ENOX2: variants seen among roughly 807,000 people sequenced by gnomAD.
The protein encoded by ENOX2 is APK1 antigen.
ENOX2 carries 36 observed loss-of-function variants against 45.0 expected under a neutral mutation model. That is an observed-to-expected ratio of 0.80 (90% confidence interval 0.61 to 1.06). The LOEUF is 1.06. ENOX2 is among the 50% of genes least tolerant of loss of function. The pLI is 0.00. For missense variants in ENOX2, 423 were observed against 462.5 expected, an observed-to-expected ratio of 0.91 and a Z score of 0.78; for synonymous variants, 174 against 152.3, an observed-to-expected ratio of 1.14 and a Z score of -1.05.
chrX:130,843,969 C>G (rs910138774), intron 2 of ENOX2, among the ~76,000 whole-genome samples: 1 of 112,030 alleles, frequency 8.9e-6, no homozygotes, highest in Admixed American at 9.5e-5. Flanking sequence ...GTGTCTGGTA[C>G]ATCATAGTTG....
chrX:130,795,977 A>ATGTGTG, intron 2 of ENOX2, among the ~76,000 whole-genome samples: 1 of 108,792 alleles, frequency 9.2e-6, no homozygotes, highest in African/African-American at 3.3e-5. Flanking sequence ...TCATTCTAAT[A>ATGTGTG]TGTGTGTGTG....
intron 8 of ENOX2, among the ~76,000 whole-genome samples, chrX:130,667,224 A>T (rs1428749527): frequency 8.9e-6 from 1 of 112,387 alleles, no homozygotes; most frequent in East Asian, 2.8e-4. Context: ...TCGTAACTTT[A>T]GCAATAAAAT....
At chrX:130,859,919 T>C (rs1263438899) in intron 2 of ENOX2, among the ~76,000 whole-genome samples, 1 of 111,424 alleles carries the variant, frequency 9.0e-6, no homozygotes, top group Non-Finnish European at 1.9e-5. Context: ...CTGGCCATTC[T>C]TTCTCAGTTT....
intron 4 of ENOX2, among the ~76,000 whole-genome samples, chrX:130,692,580 GTTTTTTT>G (rs1194146290): frequency 2.1e-5 from 2 of 94,921 alleles, no homozygotes; most frequent in Non-Finnish European, 4.3e-5. Context: ...ATCTCTCTCT[GTTTTTTT>G]TTTTTTTTTT....
chrX:130,753,239 T>G (rs1282531905), intron 3 of ENOX2, among the ~76,000 whole-genome samples: 1 of 110,132 alleles, frequency 9.1e-6, no homozygotes, highest in African/African-American at 3.3e-5. Flanking sequence ...ACCTCCCCAT[T>G]CTATCTCTTC....
chrX:130,678,443 T>C (rs1345251966), intron 6 of ENOX2, among the ~76,000 whole-genome samples: 1 of 110,177 alleles, frequency 9.1e-6, no homozygotes, highest in African/African-American at 3.3e-5. Context: ...GCCTTTCAGA[T>C]TTCATTTCCC....
At position 130,628,047 on chromosome X, in the gene ENOX2, CAG is replaced by C; in HGVS notation, c.1529-6_1529-5del. 8.6e-7 allele frequency: 1 copy of C among 1,168,200 alleles called. No individual in the cohort carries two copies. Among genetic ancestry groups the C allele is most frequent in the East Asian group, 3.0e-5 (1 of 33,696 alleles). On this transcript the variant is annotated splice_polypyrimidine_tract_variant and splice_region_variant and intron_variant, in intron 13 of 14. Coordinates refer to ENST00000394363, the MANE Select transcript of ENOX2 (RefSeq NM_006375.4). ...TGAAGGAATGTGGAGATAATCCCTA[CAG>C]AGACAAGAGCATGGAGGTTATACTT...
At chrX:130,732,652 T>C (rs1314226117) in intron 3 of ENOX2, among the ~76,000 whole-genome samples, 1 of 110,832 alleles carries the variant, frequency 9.0e-6, no homozygotes, top group African/African-American at 3.3e-5. Flanking sequence ...TAAAGATAGA[T>C]ATGTAGACCA....
In ENOX2 at chrX:130,703,149, A is replaced by T. The variant is rs774819043; in HGVS notation, c.68T>A (p.Leu23Gln). Residue 23 changes from leucine to glutamine, a missense_variant, in exon 4 of 15, where the codon CTG (leucine) becomes CAG (glutamine). This residue lies in a region of ENOX2 where 261 missense variants were observed against 306.8 expected (regional missense o/e 0.85). Transcript: ENST00000394363. ...TAMNNLGMAP[L>Q]GIAGQPILPD... Reference sequence around the variant, plus strand: ...TAAAATTGGTTGTCCGGCAATTCCCAGCGGTGCCATTCCAAGATTATTCAT... The same window carrying T: ...TAAAATTGGTTGTCCGGCAATTCCCTGCGGTGCCATTCCAAGATTATTCAT... The T allele has an allele frequency of 1.7e-6, 2 of 1,209,247 alleles. No homozygotes were observed. The highest frequency in any genetic ancestry group is 5.9e-5 in the East Asian group (2 of 33,743).
At chrX:130,659,339 G>A (rs1343151541) in intron 9 of ENOX2, among the ~76,000 whole-genome samples, 1 of 111,763 alleles carries the variant, frequency 8.9e-6, no homozygotes, top group Non-Finnish European at 1.9e-5. Flanking sequence ...GAGCTATTTA[G>A]TATCATCACT....
At chrX:130,811,508 C>T (rs1569504675) in intron 2 of ENOX2, among the ~76,000 whole-genome samples, 1 of 112,608 alleles carries the variant, frequency 8.9e-6, no homozygotes, top group African/African-American at 3.2e-5. Context: ...CAAGAGCAAG[C>T]CTGCCTGTGG....
intron 10 of ENOX2, chrX:130,645,703 C>T (rs1347803936): frequency 1.7e-5 from 11 of 646,977 alleles, no homozygotes; most frequent in Admixed American, 3.3e-5. Context: ...CCAGCAGCCG[C>T]GCCCCACATC....
intron 3 of ENOX2, among the ~76,000 whole-genome samples, chrX:130,769,259 A>T (rs115486468): frequency 0.022 from 2,474 of 111,425 alleles, 62 homozygotes; most frequent in African/African-American, 0.075. Flanking sequence ...CCCATCTCAC[A>T]GTGTTTTCTT....
intron 2 of ENOX2, among the ~76,000 whole-genome samples, chrX:130,805,918 T>A (rs1338997596): frequency 8.9e-6 from 1 of 111,961 alleles, no homozygotes; most frequent in Non-Finnish European, 1.9e-5. Flanking sequence ...GGCTTTACTA[T>A]AAGGAAACAA....
At chrX:130,683,389 T>C (rs990711061) in intron 5 of ENOX2, among the ~76,000 whole-genome samples, 2 of 112,281 alleles carry the variant, frequency 1.8e-5, no homozygotes, top group African/African-American at 6.5e-5. Flanking sequence ...CCCAACTGAT[T>C]GGAAAAATTA....
intron 2 of ENOX2, among the ~76,000 whole-genome samples, chrX:130,808,699 G>GT (rs200595755): frequency 0.01 from 1,165 of 111,597 alleles, 6 homozygotes; most frequent in East Asian, 0.024. Flanking sequence ...TCTGGCAAAC[G>GT]TGATTTGGGT....
intron 3 of ENOX2, among the ~76,000 whole-genome samples, chrX:130,764,447 A>AT (rs1466911894): frequency 6.4e-5 from 7 of 109,831 alleles, no homozygotes; most frequent in Admixed American, 1.9e-4. Flanking sequence ...CCTCCAAGTC[A>AT]TTTTTTCTCC....
intron 4 of ENOX2, among the ~76,000 whole-genome samples, chrX:130,692,504 C>T (rs753901118): frequency 8.9e-6 from 1 of 112,374 alleles, no homozygotes; most frequent in East Asian, 2.8e-4. Context: ...AACACCATTT[C>T]CCCACTGCCT....
At chrX:130,696,579 A>C (rs1178882669) in intron 4 of ENOX2, among the ~76,000 whole-genome samples, 1 of 112,137 alleles carries the variant, frequency 8.9e-6, no homozygotes, top group Non-Finnish European at 1.9e-5. Context: ...CAATTGAGCA[A>C]ATTTAGCTTC....
Sources: gnomAD v4.1 joint callset for allele counts (sites outside exome capture counted in the v4.1 genomes callset) on GRCh38, gnomAD v4.1.1 for gene constraint, gnomAD v4.1.1 regional missense constraint, MANE v1.5 for transcripts, NCBI Gene and HGNC (gene_info 2026-07-23, HGNC 2026-07-21) for gene names.